Variants in KCNJ6 observed in about 807,000 individuals in gnomAD.
KCNJ6 encodes potassium inwardly rectifying channel subfamily J member 6.
In KCNJ6, 9 loss-of-function variants were observed where a neutral mutation model predicts 34.2. The observed-to-expected ratio is 0.26, with a 90% CI of 0.16 to 0.46. The LOEUF (loss-of-function observed/expected upper bound fraction) is 0.46. KCNJ6 is among the 20% of genes least tolerant of loss of function. The pLI is 1.00. For synonymous variants in KCNJ6, 196 were observed against 207.1 expected (o/e 0.95, Z 0.46); for missense variants, 236 against 531.3 (o/e 0.44, Z 5.46).
chr21:37,655,179 TTGTGTG>T (rs369378573), intron 3 of KCNJ6, among the ~76,000 whole-genome samples: 265 of 23,920 alleles, frequency 0.011, 4 homozygotes, highest in African/African-American at 0.025. Flanking sequence ...CTCTAGACAT[TTGTGTG>T]TGTGTGTGTG....
chr21:37,812,388 T>C lies in KCNJ6; in HGVS notation c.25+28270A>G, dbSNP rs192824822. Among the ~76,000 whole-genome samples the C allele has an allele frequency of 1.4e-3, 212 of 152,252 alleles. 2 individuals carry two copies. The highest frequency in any genetic ancestry group is 4.6e-4 in the Non-Finnish European group (31 of 68,028). On this transcript the variant is annotated intron_variant, in intron 2 of 3. Transcript: ENST00000609713. ...AGAAAAGAAAAGTGGCCATCTAATC[T>C]GGCACTAGAACTGGGAATTTAACCA...
intron 1 of KCNJ6, among the ~76,000 whole-genome samples, chr21:37,851,192 G>C (rs980943776): frequency 6.6e-6 from 1 of 152,184 alleles, no homozygotes; most frequent in Non-Finnish European, 1.5e-5. Context: ...CAGGGAAGTG[G>C]TGTGGTTGCC....
chr21:37,752,509 G>A (rs2055001344), intron 2 of KCNJ6, among the ~76,000 whole-genome samples: 1 of 152,126 alleles, frequency 6.6e-6, no homozygotes, highest in Non-Finnish European at 1.5e-5. Context: ...AAGGCATTAA[G>A]CAGAAGCTTT....
chr21:37,683,324 G>A (rs2054598425), intron 3 of KCNJ6, among the ~76,000 whole-genome samples: 1 of 152,284 alleles, frequency 6.6e-6, no homozygotes, highest in East Asian at 1.9e-4. Flanking sequence ...GAGGCAGCAG[G>A]GAAGAAGCCC....
intron 2 of KCNJ6, among the ~76,000 whole-genome samples, chr21:37,731,366 A>G (rs571648709): frequency 6.6e-6 from 1 of 152,308 alleles, no homozygotes; most frequent in East Asian, 1.9e-4. Context: ...ATTTGATGGC[A>G]GATTAAGATC....
chr21:37,725,736 T>C (rs182358512), intron 2 of KCNJ6, among the ~76,000 whole-genome samples: 1 of 152,220 alleles, frequency 6.6e-6, no homozygotes, highest in African/African-American at 2.4e-5. Flanking sequence ...TTTATAATAG[T>C]GAAAAATCAG....
chr21:37,878,622 A>T (rs2055690917), intron 1 of KCNJ6, among the ~76,000 whole-genome samples: 1 of 152,274 alleles, frequency 6.6e-6, no homozygotes, highest in Non-Finnish European at 1.5e-5. Flanking sequence ...ACCAGAAAGT[A>T]GGAAACTTGT....
chr21:37,681,502 C>T lies in KCNJ6; in HGVS notation c.946+32709G>A, dbSNP rs192922179. The stretch of plus-strand genomic sequence containing the variant: ...TTGGGGAATTTAACACTGGCTCTCA[C>T]ATTGTCCTGGGCTGAACATAAACCT... On this transcript the variant is annotated intron_variant, in intron 3 of 3. Coordinates refer to ENST00000609713, the MANE Select transcript of KCNJ6 (RefSeq NM_002240.5). Among the ~76,000 whole-genome samples the T allele has an allele frequency of 2.6e-5, 4 of 152,354 alleles. No individual in the cohort carries two copies. In the East Asian group the frequency reaches 7.7e-4, roughly 29 times the overall value.
chr21:37,627,646 A>T (rs781215681), intron 3 of KCNJ6, among the ~76,000 whole-genome samples: 23 of 152,242 alleles, frequency 1.5e-4, no homozygotes, highest in Non-Finnish European at 2.1e-4. Context: ...CTGGGGAAAG[A>T]GGTTCACAGG....
chr21:37,727,934 A>G (rs1434133713), intron 2 of KCNJ6, among the ~76,000 whole-genome samples: 2 of 152,230 alleles, frequency 1.3e-5, no homozygotes, highest in Non-Finnish European at 2.9e-5. Context: ...CAGCATAATC[A>G]CAGATCAAGC....
At chr21:37,875,316 T>C (rs1007038406) in intron 1 of KCNJ6, among the ~76,000 whole-genome samples, 10 of 152,204 alleles carry the variant, frequency 6.6e-5, no homozygotes, top group African/African-American at 2.4e-4. Flanking sequence ...CTATTCCCTC[T>C]CTCCCCAGCA....
At chr21:37,667,531 C>T (rs1279926831) in intron 3 of KCNJ6, among the ~76,000 whole-genome samples, 1 of 148,972 alleles carries the variant, frequency 6.7e-6, no homozygotes, top group African/African-American at 2.5e-5. Flanking sequence ...GCCGGGGTAG[C>T]GGGGTCCGGG....
At chr21:37,645,801 T>G (rs2054401436) in intron 3 of KCNJ6, among the ~76,000 whole-genome samples, 1 of 152,276 alleles carries the variant, frequency 6.6e-6, no homozygotes. Context: ...TTCCAGAGCT[T>G]CTTCATAAAT....
At chr21:37,887,870 TC>T (rs1350756592) in intron 1 of KCNJ6, among the ~76,000 whole-genome samples, 1 of 152,216 alleles carries the variant, frequency 6.6e-6, no homozygotes, top group Non-Finnish European at 1.5e-5. Flanking sequence ...GGAAGGAAAG[TC>T]ACGGGAGCTG....
chr21:37,654,335 G>A (rs1348150813), intron 3 of KCNJ6, among the ~76,000 whole-genome samples: 5 of 151,320 alleles, frequency 3.3e-5, no homozygotes, highest in African/African-American at 4.9e-5. Context: ...AAATGGAAGC[G>A]TCTGTCAGCT....
chr21:37,783,573 T>A (rs866906617), intron 2 of KCNJ6, among the ~76,000 whole-genome samples: 1 of 152,198 alleles, frequency 6.6e-6, no homozygotes, highest in Non-Finnish European at 1.5e-5. Context: ...CTCGGGTATG[T>A]TTTTGTCAGC....
intron 2 of KCNJ6, among the ~76,000 whole-genome samples, chr21:37,749,296 C>T (rs1000986513): frequency 3.3e-5 from 5 of 152,164 alleles, no homozygotes; most frequent in Admixed American, 3.3e-4. Context: ...GCCCGTAGCA[C>T]AGCCTGAAGC....
Position 37,615,781 on chromosome 21 carries a change from A to G in KCNJ6, c.*9378T>C, listed in dbSNP as rs2054264585. The G allele has an allele frequency of 6.6e-6, 1 of 152,238 alleles. No homozygotes were observed. The highest frequency in any genetic ancestry group is 2.1e-4 in the South Asian group (1 of 4,830). 9.4% of individuals were successfully genotyped at this position (152,238 alleles called of 1,614,324 possible). ...CTGGACCAATCTTAATCTTCTAGGC[A>G]GAATTTATTTAGTGTTAAGAAAATG... is the stretch of plus-strand genomic sequence containing the variant. On this transcript the variant is annotated 3_prime_UTR_variant, in exon 4 of 4. Transcript: ENST00000609713.
intron 2 of KCNJ6, among the ~76,000 whole-genome samples, chr21:37,748,090 C>A (rs913879829): frequency 6.6e-6 from 1 of 152,136 alleles, no homozygotes; most frequent in African/African-American, 2.4e-5. Flanking sequence ...ACCAGAAACC[C>A]CTCCACACGT....
Sources: allele counts gnomAD v4.1 joint callset (sites outside exome capture counted in the v4.1 genomes callset), GRCh38; gene constraint gnomAD v4.1.1; transcripts MANE v1.5; gene names NCBI Gene and HGNC (gene_info 2026-07-23, HGNC 2026-07-21).